BBX: variants seen among roughly 807,000 people sequenced by gnomAD.
The protein encoded by BBX is BBX high mobility group box domain containing.
A neutral mutation model predicts 100.2 loss-of-function variants in BBX; 30 were observed. The ratio of observed to expected loss-of-function variants is 0.30; its 90% confidence interval spans 0.22 to 0.41. The LOEUF is 0.41. Ranked by LOEUF, BBX falls within the 10% of genes least tolerant of loss-of-function variation. The pLI is 1.00. For synonymous variants in BBX, 376 were observed against 388.1 expected (o/e 0.97, Z 0.37); for missense variants, 1,023 against 1,129.8 (o/e 0.91, Z 1.35).
chr3:107,712,219 C>T (rs2107322683), intron 4 of BBX, among the ~76,000 whole-genome samples: 1 of 152,238 alleles, frequency 6.6e-6, no homozygotes, highest in African/African-American at 2.4e-5. Context: ...TTCCTAGTTT[C>T]TTTCAGTTAA....
intron 7 of BBX, among the ~76,000 whole-genome samples, chr3:107,733,499 C>T (rs1165761899): frequency 6.6e-6 from 1 of 151,930 alleles, no homozygotes; most frequent in African/African-American, 2.4e-5. Context: ...TTCTTCTTTC[C>T]CACCCCCCCT....
intron 2 of BBX, among the ~76,000 whole-genome samples, chr3:107,621,619 T>G (rs1403892877): frequency 6.6e-6 from 1 of 152,210 alleles, no homozygotes; most frequent in Non-Finnish European, 1.5e-5. Flanking sequence ...TTAGATATCG[T>G]TCAGCTTGAA....
At chr3:107,585,576 T>C (rs2052771550) in intron 2 of BBX, among the ~76,000 whole-genome samples, 2 of 152,306 alleles carry the variant, frequency 1.3e-5, no homozygotes, top group South Asian at 4.1e-4. Context: ...GCTGCCATTA[T>C]GGGGCTCTTA....
intron 2 of BBX, among the ~76,000 whole-genome samples, chr3:107,605,887 A>G (rs912751624): frequency 1.3e-5 from 2 of 152,122 alleles, no homozygotes; most frequent in Admixed American, 1.3e-4. Flanking sequence ...CTTGTCCCCA[A>G]GCTTTTTGGA....
chr3:107,711,244 T>C, intron 4 of BBX: 1 of 461,016 alleles, frequency 2.2e-6, no homozygotes. Flanking sequence ...TGTATTTAGC[T>C]GTATACTTAT....
At chr3:107,633,533 G>T (rs535757822) in intron 2 of BBX, among the ~76,000 whole-genome samples, 1 of 152,268 alleles carries the variant, frequency 6.6e-6, no homozygotes, top group African/African-American at 2.4e-5. Flanking sequence ...TCATGCCTGC[G>T]GACATGATTG....
At chr3:107,583,199 T>C (rs1187014563) in intron 2 of BBX, among the ~76,000 whole-genome samples, 2 of 151,998 alleles carry the variant, frequency 1.3e-5, no homozygotes, top group Non-Finnish European at 2.9e-5. Context: ...CCTTCAGTGT[T>C]TTTTTAAGGC....
At chr3:107,527,008 A>T (rs1031812220) in intron 2 of BBX, among the ~76,000 whole-genome samples, 6 of 152,198 alleles carry the variant, frequency 3.9e-5, no homozygotes, top group Non-Finnish European at 8.8e-5. Context: ...GTAGCCTGTA[A>T]ATTTAATAAA....
intron 4 of BBX, 140 bp downstream of exon 4, chr3:107,710,762 C>T (rs2061666521): frequency 5.3e-6 from 4 of 758,080 alleles, no homozygotes; most frequent in East Asian, 5.6e-5. Context: ...ACTTAGTTTA[C>T]ATTTTTATTC....
chr3:107,632,005 T>A (rs2056578900), intron 2 of BBX, among the ~76,000 whole-genome samples: 1 of 152,210 alleles, frequency 6.6e-6, no homozygotes. Context: ...GCACTGGCAA[T>A]CAAGAGCTGG....
intron 2 of BBX, among the ~76,000 whole-genome samples, chr3:107,623,700 G>A (rs2055952002): frequency 1.3e-5 from 2 of 152,140 alleles, no homozygotes; most frequent in African/African-American, 4.8e-5. Context: ...ACACTATTTA[G>A]AAGGGGTCAT....
At chr3:107,599,525 T>C (rs1013320976) in intron 2 of BBX, 2 of 152,180 alleles carry the variant, frequency 1.3e-5, no homozygotes, top group Non-Finnish European at 2.9e-5. Context: ...AATTTTGTTG[T>C]CACATCGTGC....
chr3:107,619,344 A>G (rs2055557312), intron 2 of BBX, among the ~76,000 whole-genome samples: 1 of 152,118 alleles, frequency 6.6e-6, no homozygotes, highest in Non-Finnish European at 1.5e-5. Flanking sequence ...TCTGACTTTT[A>G]ATTGGTGCAT....
chr3:107,711,327 C>A (rs1231309543), intron 4 of BBX: 2 of 470,990 alleles, frequency 4.2e-6, no homozygotes, highest in Non-Finnish European at 4.4e-6. Flanking sequence ...CTCGTCCTTT[C>A]CTCTTGCCTC....
chr3:107,752,070 A>G (rs1376620503), intron 9 of BBX, among the ~76,000 whole-genome samples: 1 of 152,186 alleles, frequency 6.6e-6, no homozygotes, highest in African/African-American at 2.4e-5. Context: ...TCTGTGGCTC[A>G]CTCTTACACC....
chr3:107,530,165 G>T (rs1310231072), intron 2 of BBX, among the ~76,000 whole-genome samples: 1 of 152,192 alleles, frequency 6.6e-6, no homozygotes, highest in East Asian at 1.9e-4. Flanking sequence ...GCGGAAGCAA[G>T]TGGATCACCT....
At chr3:107,651,574 C>T (rs779599977) in intron 3 of BBX, among the ~76,000 whole-genome samples, 1 of 152,014 alleles carries the variant, frequency 6.6e-6, no homozygotes, top group Non-Finnish European at 1.5e-5. Flanking sequence ...CTTTATCAAG[C>T]CAATTCACAT....
At chr3:107,541,036 G>A (rs964407950) in intron 2 of BBX, among the ~76,000 whole-genome samples, 1 of 152,156 alleles carries the variant, frequency 6.6e-6, no homozygotes, top group African/African-American at 2.4e-5. Context: ...TTCTCCTTTA[G>A]TGGCTGGCCA....
chr3:107,558,653 C>T (rs1445289718), intron 2 of BBX, among the ~76,000 whole-genome samples: 1 of 152,146 alleles, frequency 6.6e-6, no homozygotes, highest in African/African-American at 2.4e-5. Flanking sequence ...CCAACAATCA[C>T]AGCATCTGGG....
Sources: allele counts gnomAD v4.1 joint callset (sites outside exome capture counted in the v4.1 genomes callset), GRCh38; gene constraint gnomAD v4.1.1; transcripts MANE v1.5; gene names NCBI Gene and HGNC (gene_info 2026-07-23, HGNC 2026-07-21).